NR3C1: variants seen among roughly 807,000 people sequenced by gnomAD.
NR3C1 encodes the protein glucocorticoid receptor.
Under a neutral mutation model 74.0 loss-of-function variants are expected in NR3C1, and 14 were observed. The ratio of observed to expected loss-of-function variants is 0.19; its 90% CI spans 0.12 to 0.30. The LOEUF (loss-of-function observed/expected upper bound fraction) is 0.30, where lower values mean the gene tolerates loss of function less well. Among genes scored for constraint, NR3C1 ranks in the 10% least tolerant of loss-of-function variants. The pLI is 1.00. For synonymous variants in NR3C1, 308 were observed against 332.5 expected (o/e 0.93, Z 0.80); for missense variants, 695 against 909.8 (o/e 0.76, Z 3.04).
chr5:143,420,868 G>A (rs1751194452), intron 1 of NR3C1, among the ~76,000 whole-genome samples: 1 of 151,982 alleles, frequency 6.6e-6, no homozygotes, highest in African/African-American at 2.4e-5. Flanking sequence ...TGTATCCTTT[G>A]GATATTTTAC....
intron 1 of NR3C1, among the ~76,000 whole-genome samples, chr5:143,410,722 C>T (rs1166778053): frequency 6.6e-6 from 1 of 152,124 alleles, no homozygotes; most frequent in African/African-American, 2.4e-5. Context: ...AAACACTAAG[C>T]TTTATTTGGA....
At chr5:143,402,961 C>T (rs754782830) in intron 1 of NR3C1, 4 of 727,672 alleles carry the variant, frequency 5.5e-6, no homozygotes, top group Non-Finnish European at 6.7e-6. Flanking sequence ...CTCCGCTCGC[C>T]GTCCGAGGTC....
intron 2 of NR3C1, among the ~76,000 whole-genome samples, chr5:143,329,557 T>A (rs1053210682): frequency 1.3e-5 from 2 of 152,262 alleles, no homozygotes; most frequent in African/African-American, 4.8e-5. Context: ...AGTCTACTGC[T>A]GCTTTATTTT....
At chr5:143,352,894 A>T (rs771092165) in intron 2 of NR3C1, among the ~76,000 whole-genome samples, 1 of 152,196 alleles carries the variant, frequency 6.6e-6, no homozygotes, top group African/African-American at 2.4e-5. Flanking sequence ...GTAGACAACA[A>T]TGAAGTTTCA....
intron 2 of NR3C1, among the ~76,000 whole-genome samples, chr5:143,326,903 G>T (rs182484963): frequency 2.0e-5 from 3 of 152,300 alleles, no homozygotes; most frequent in Admixed American, 2.0e-4. Flanking sequence ...CATCTGATGT[G>T]AGCAGATTGA....
rs1299224186 is a variant in NR3C1, at chr5:143,279,105, A to C, written c.*2784T>G. The C allele has an allele frequency of 4.4e-6, 2 of 453,616 alleles. No homozygotes were observed. The highest frequency in any genetic ancestry group is 8.7e-5 in the East Asian group (2 of 22,998). The allele number at this position is 453,616 out of a possible 1,614,324, so 28.1% of individuals were successfully genotyped here. On this transcript the variant is annotated 3_prime_UTR_variant, in exon 9 of 9. Transcript: ENST00000394464. ...CAACAGTTTGGGTTGGGATGGCCAG[A>C]TAACACATACATAGGAAATAAATCT...
Position 143,410,076 on chromosome 5 carries a change from G to A in NR3C1, c.-13-9224C>T, listed in dbSNP as rs891000316. Among the ~76,000 whole-genome samples, 7 of 152,202 alleles carry A rather than the reference G, an allele frequency of 4.6e-5. No individual in the cohort carries two copies. In the East Asian group the frequency reaches 1.2e-3, roughly 25 times the overall value. On this transcript the variant is annotated intron_variant, in intron 1 of 8. Coordinates refer to the NR3C1 transcript ENST00000343796. ...AGGAACTCAATGTTTTTAATGTTTG[G>A]AGGCATTAGAGCAAGCACACTGAAT...
Position 143,400,114 on chromosome 5 carries a change from A to G in NR3C1, c.726T>C (p.Asn242=). 6.2e-7 allele frequency: 1 copy of G among 1,614,234 alleles called. No homozygotes were observed. The highest frequency in any genetic ancestry group is 8.5e-7 in the Non-Finnish European group (1 of 1,180,036). The change falls in exon 2 of 9, where the codon AAT becomes AAC. Residue 242 remains asparagine, a synonymous_variant. Coordinates refer to ENST00000394464, the MANE Select transcript of NR3C1 (RefSeq NM_000176.3). ...DDSFLLEGNS[N]EDCKPLILPD... ...GTAAAATGAGAGGCTTGCAGTCCTC[A>G]TTCGAGTTTCCTTCCAAAAGGAATG...
rs61751253 is a variant in NR3C1, at chr5:143,389,611, C to G, written c.1184+10045G>C. ...AGCACTGTACAGCTCTGTTAAATAT[C>G]ATTATCAATTAAAAGGTCACTCATC... On this transcript the variant is annotated intron_variant, in intron 2 of 8. Coordinates refer to ENST00000394464, the MANE Select transcript of NR3C1 (RefSeq NM_000176.3). Among the ~76,000 whole-genome samples, 165 of 152,302 alleles carry G rather than the reference C, an allele frequency of 1.1e-3. 1 individual carries two copies. The highest frequency in any genetic ancestry group is 3.9e-3 in the African/African-American group (163 of 41,564).
chr5:143,354,665 G>A (rs940137246), intron 2 of NR3C1, among the ~76,000 whole-genome samples: 2 of 152,148 alleles, frequency 1.3e-5, no homozygotes, highest in Non-Finnish European at 2.9e-5. Flanking sequence ...GGCTGGCACG[G>A]TAATCCCAGC....
intron 1 of NR3C1, among the ~76,000 whole-genome samples, chr5:143,411,718 A>G (rs1383186471): frequency 1.3e-5 from 2 of 152,200 alleles, no homozygotes; most frequent in African/African-American, 4.8e-5. Flanking sequence ...TGATACATAT[A>G]TGTAAAAATT....
chr5:143,434,430 G>T, intron 1 of NR3C1: 1 of 544,044 alleles, frequency 1.8e-6, no homozygotes, highest in Non-Finnish European at 2.3e-6. Flanking sequence ...CCTTGTGATT[G>T]TCTTTTTTTC....
chr5:143,369,261 C>T (rs1833826984), intron 2 of NR3C1, among the ~76,000 whole-genome samples: 1 of 152,162 alleles, frequency 6.6e-6, no homozygotes, highest in South Asian at 2.1e-4. Flanking sequence ...TAAAATGATA[C>T]AGCCACTGTA....
At chr5:143,286,221 CA>C (rs1161894678) in intron 7 of NR3C1, among the ~76,000 whole-genome samples, 4 of 152,038 alleles carry the variant, frequency 2.6e-5, no homozygotes, top group Non-Finnish European at 5.9e-5. Flanking sequence ...AACCTTTCTA[CA>C]AAAAAGGCTC....
At chr5:143,355,513 G>C (rs1036871300) in intron 2 of NR3C1, among the ~76,000 whole-genome samples, 5 of 151,346 alleles carry the variant, frequency 3.3e-5, no homozygotes, top group African/African-American at 1.2e-4. Flanking sequence ...ACATCTAATG[G>C]GGGAAAAACT....
chr5:143,281,972 C>T lies in NR3C1; in HGVS notation c.2251G>A (p.Glu751Lys), dbSNP rs1208097433. Reference protein sequence around the residue: ...LDKTMSIEFPEMLAEIITNQI... With the variant: ...LDKTMSIEFPKMLAEIITNQI... ...TTGGTGATGATTTCAGCTAACATCT[C>T]GGGGAATTCAATACTCATGGTCTTA... Residue 751 changes from glutamate (E) to lysine (K), a missense_variant, in exon 9 of 9, where the codon GAG (glutamate) becomes AAG (lysine). Physicochemically the swap from Glu to Lys is moderately conservative, Grantham distance 56. Coordinates refer to ENST00000394464, the MANE Select transcript of NR3C1 (RefSeq NM_000176.3). The T allele has an allele frequency of 2.5e-6, 4 of 1,613,414 alleles. No homozygotes were observed. The highest frequency in any genetic ancestry group is 3.4e-6 in the Non-Finnish European group (4 of 1,179,618).
At chr5:143,346,558 G>A (rs1022554726) in intron 2 of NR3C1, among the ~76,000 whole-genome samples, 1 of 152,178 alleles carries the variant, frequency 6.6e-6, no homozygotes, top group Non-Finnish European at 1.5e-5. Flanking sequence ...TTGTGTTACT[G>A]TAAAATTTAT....
At chr5:143,425,199 A>G (rs965448936) in intron 1 of NR3C1, among the ~76,000 whole-genome samples, 2 of 152,212 alleles carry the variant, frequency 1.3e-5, no homozygotes, top group Non-Finnish European at 2.9e-5. Flanking sequence ...ATGCAAAAGA[A>G]TATTTAAAAA....
rs1266068045 is a variant in NR3C1 at position 143,368,575 on chromosome 5, C to T, written c.1184+31081G>A. 4.0e-5 allele frequency among the ~76,000 whole-genome samples: 6 copies of T among 149,162 alleles called. No individual in the cohort carries two copies. The East Asian group carries it at 1.2e-3, about 29-fold the overall frequency. On this transcript the variant is annotated intron_variant, in intron 2 of 8. Coordinates refer to ENST00000394464, the MANE Select transcript of NR3C1 (RefSeq NM_000176.3). ...CACACACACACACACACACCGACAA[C>T]TCAACAATAAAAAGACAACCTAATT...
Sources: gnomAD v4.1 joint callset for allele counts (sites outside exome capture counted in the v4.1 genomes callset) on GRCh38, gnomAD v4.1.1 for gene constraint, MANE v1.5 for transcripts, NCBI Gene and HGNC (gene_info 2026-07-23, HGNC 2026-07-21) for gene names.